PLCB1: variants seen among roughly 807,000 people sequenced by gnomAD.
The protein encoded by PLCB1 is 1-phosphatidylinositol 4,5-bisphosphate phosphodiesterase beta-1.
Under a neutral mutation model 161.8 loss-of-function variants are expected in PLCB1, and 46 were observed. The observed-to-expected ratio is 0.28, with a 90% CI of 0.22 to 0.36. PLCB1 has a LOEUF of 0.36. Among genes scored for constraint, PLCB1 ranks in the 10% least tolerant of loss-of-function variants. PLCB1 has a pLI of 1.00. For missense variants in PLCB1, 1,016 were observed against 1,472.5 expected (o/e 0.69, Z 5.07); for synonymous variants, 517 against 503.7 (o/e 1.03, Z -0.35).
chr20:8,518,567 TTATC>T (rs1322532543), intron 3 of PLCB1, among the ~76,000 whole-genome samples: 1 of 152,098 alleles, frequency 6.6e-6, no homozygotes, highest in African/African-American at 2.4e-5. Context: ...GTTCATTAGT[TTATC>T]TATAAATTTA....
chr20:8,570,115 A>G (rs1227758638), intron 3 of PLCB1, among the ~76,000 whole-genome samples: 1 of 152,208 alleles, frequency 6.6e-6, no homozygotes, highest in Non-Finnish European at 1.5e-5. Flanking sequence ...AACTAGAACT[A>G]GAAACTAGAT....
intron 16 of PLCB1, among the ~76,000 whole-genome samples, chr20:8,725,511 C>A (rs1338023227): frequency 6.6e-6 from 1 of 152,080 alleles, no homozygotes; most frequent in East Asian, 1.9e-4. Flanking sequence ...AAAATCCAAG[C>A]CTCTACCAAA....
intron 3 of PLCB1, among the ~76,000 whole-genome samples, chr20:8,468,593 C>T (rs958712469): frequency 3.3e-5 from 5 of 152,226 alleles, no homozygotes; most frequent in African/African-American, 4.8e-5. Flanking sequence ...AGTATAATAT[C>T]GTCCTGATTC....
At chr20:8,398,991 T>G (rs1978423219) in intron 3 of PLCB1, among the ~76,000 whole-genome samples, 1 of 152,002 alleles carries the variant, frequency 6.6e-6, no homozygotes, top group Non-Finnish European at 1.5e-5. Flanking sequence ...AGTCAATTTA[T>G]CAATATTTTA....
At chr20:8,566,629 A>C (rs894367161) in intron 3 of PLCB1, among the ~76,000 whole-genome samples, 3 of 152,142 alleles carry the variant, frequency 2.0e-5, no homozygotes, top group Non-Finnish European at 4.4e-5. Context: ...CACTGAATTT[A>C]ATAAATAGAT....
At chr20:8,851,486 A>G (rs1314028873) in intron 31 of PLCB1, among the ~76,000 whole-genome samples, 8 of 152,268 alleles carry the variant, frequency 5.3e-5, no homozygotes, top group African/African-American at 1.9e-4. Flanking sequence ...CTCAACTTTC[A>G]GTTCGAAGTG....
intron 10 of PLCB1, among the ~76,000 whole-genome samples, chr20:8,696,634 G>A (rs570097495): frequency 1.3e-5 from 2 of 152,240 alleles, no homozygotes; most frequent in South Asian, 2.1e-4. Flanking sequence ...AACATGAGAT[G>A]TATTTCCATT....
intron 14 of PLCB1, among the ~76,000 whole-genome samples, chr20:8,718,067 A>C (rs1042492055): frequency 3.1e-5 from 3 of 95,976 alleles, no homozygotes; most frequent in African/African-American, 8.8e-5. Flanking sequence ...CAAAAATACA[A>C]AAATTATCTG....
chr20:8,171,615 C>G (rs754601761), intron 2 of PLCB1, among the ~76,000 whole-genome samples: 3 of 152,064 alleles, frequency 2.0e-5, no homozygotes, highest in Non-Finnish European at 4.4e-5. Context: ...TTAGTACTCC[C>G]TTAAGGTTGT....
intron 23 of PLCB1, among the ~76,000 whole-genome samples, chr20:8,742,808 CTATTT>C (rs1157329436): frequency 1.3e-5 from 2 of 152,112 alleles, no homozygotes; most frequent in East Asian, 3.9e-4. Flanking sequence ...CAATGCTGCA[CTATTT>C]TATTTTATTT....
At chr20:8,470,607 C>T (rs1462230282) in intron 3 of PLCB1, among the ~76,000 whole-genome samples, 3 of 152,032 alleles carry the variant, frequency 2.0e-5, no homozygotes, top group Non-Finnish European at 4.4e-5. Flanking sequence ...TGCAGTGGTG[C>T]GATCACAGCT....
intron 3 of PLCB1, among the ~76,000 whole-genome samples, chr20:8,619,598 T>C (rs1156242595): frequency 6.6e-6 from 1 of 152,116 alleles, no homozygotes; most frequent in East Asian, 1.9e-4. Flanking sequence ...ACCACACTAA[T>C]GATATAAGGT....
rs193021876 is a variant in PLCB1, at chr20:8,341,515, T to C, written c.178-29867T>C. On this transcript the variant is annotated intron_variant, in intron 2 of 31. Coordinates refer to ENST00000338037, the MANE Select transcript of PLCB1 (RefSeq NM_015192.4). Reference sequence around the variant, plus strand: ...CTGGGACACCGGATTTGCTGTTTTTTCTTCCTGGATTCTTTTCTCTCAGAT... The same window carrying C: ...CTGGGACACCGGATTTGCTGTTTTTCCTTCCTGGATTCTTTTCTCTCAGAT... Among the ~76,000 whole-genome samples, 59 of 152,312 alleles carry C rather than the reference T, an allele frequency of 3.9e-4. 2 individuals are homozygous for C. The East Asian group carries it at 0.011, about 29-fold the overall frequency.
At chr20:8,605,139 C>A (rs1461092550) in intron 3 of PLCB1, among the ~76,000 whole-genome samples, 13 of 147,100 alleles carry the variant, frequency 8.8e-5, no homozygotes, top group African/African-American at 3.2e-4. Flanking sequence ...ATTAAAAAAA[C>A]AATTTCCCTT....
chr20:8,352,633 A>G (rs1427751802), intron 2 of PLCB1, among the ~76,000 whole-genome samples: 1 of 152,124 alleles, frequency 6.6e-6, no homozygotes, highest in East Asian at 1.9e-4. Context: ...ACCTTACTGA[A>G]GGCAATAAGG....
intron 2 of PLCB1, among the ~76,000 whole-genome samples, chr20:8,173,348 C>T (rs1310024551): frequency 1.3e-5 from 2 of 152,114 alleles, no homozygotes; most frequent in African/African-American, 2.4e-5. Flanking sequence ...TAGGGTCAGA[C>T]TGAAAAAAAC....
chr20:8,666,629 G>A (rs188433151), intron 9 of PLCB1, among the ~76,000 whole-genome samples: 1 of 152,300 alleles, frequency 6.6e-6, no homozygotes, highest in African/African-American at 2.4e-5. Context: ...CCAAGACCAT[G>A]TTTTCTTTGT....
chr20:8,589,961 G>C (rs552778470), intron 3 of PLCB1, among the ~76,000 whole-genome samples: 1 of 151,998 alleles, frequency 6.6e-6, no homozygotes, highest in East Asian at 1.9e-4. Context: ...ATTCATCAAG[G>C]CTCTACCCTT....
chr20:8,266,676 C>T (rs1399912410), intron 2 of PLCB1, among the ~76,000 whole-genome samples: 1 of 152,144 alleles, frequency 6.6e-6, no homozygotes, highest in African/African-American at 2.4e-5. Flanking sequence ...GAAGACCTCC[C>T]CAACTGGACT....
Sources: allele counts gnomAD v4.1 joint callset (sites outside exome capture counted in the v4.1 genomes callset), GRCh38; gene constraint gnomAD v4.1.1; transcripts MANE v1.5; gene names NCBI Gene and HGNC (gene_info 2026-07-23, HGNC 2026-07-21).